Variants in GRID2 observed in about 807,000 individuals in gnomAD.
GRID2 encodes the protein glutamate receptor ionotropic, delta-2.
In GRID2, 33 loss-of-function variants were observed where a neutral mutation model predicts 114.8. That is an observed-to-expected ratio of 0.29 (90% CI 0.22 to 0.38). The LOEUF (loss-of-function observed/expected upper bound fraction) is 0.38, where lower values mean the gene tolerates loss of function less well. Ranked by LOEUF, GRID2 falls within the 10% of genes least tolerant of loss-of-function variation. The probability of loss-of-function intolerance (pLI) is 1.00; values close to 1 mark genes in which losing one functional copy is unlikely to be tolerated. For synonymous variants in GRID2, 505 were observed against 449.9 expected (o/e 1.12, Z -1.55); for missense variants, 1,184 against 1,257.7 (o/e 0.94, Z 0.89).
intron 4 of GRID2, among the ~76,000 whole-genome samples, chr4:93,136,648 TA>T (rs1270195939): frequency 1.3e-5 from 2 of 152,154 alleles, no homozygotes; most frequent in African/African-American, 4.8e-5. Context: ...ATATATCCAT[TA>T]TATATGTAGG....
intron 2 of GRID2, among the ~76,000 whole-genome samples, chr4:92,878,793 C>T (rs1039902963): frequency 7.2e-5 from 11 of 151,988 alleles, no homozygotes; most frequent in South Asian, 2.1e-4. Context: ...GACATCCATA[C>T]AAGGAATTAG....
chr4:93,692,449 T>C (rs117274740), intron 14 of GRID2, among the ~76,000 whole-genome samples: 1 of 152,302 alleles, frequency 6.6e-6, no homozygotes, highest in East Asian at 1.9e-4. Context: ...ACCAAGAATG[T>C]ATCTGCTACA....
At chr4:92,941,324 C>T (rs1751109197) in intron 2 of GRID2, among the ~76,000 whole-genome samples, 1 of 152,092 alleles carries the variant, frequency 6.6e-6, no homozygotes, top group Non-Finnish European at 1.5e-5. Flanking sequence ...GGAATTTATC[C>T]ATTTCTTGTA....
At chr4:92,666,670 T>TTTTTTTTTTTTC (rs368637464) in intron 2 of GRID2, among the ~76,000 whole-genome samples, 1 of 133,026 alleles carries the variant, frequency 7.5e-6, no homozygotes, top group African/African-American at 2.9e-5. Context: ...TTTTTTTTTT[T>TTTTTTTTTTTTC]CAGATCTTTT....
At chr4:93,231,735 G>A (rs949107290) in intron 7 of GRID2, among the ~76,000 whole-genome samples, 60 of 152,120 alleles carry the variant, frequency 3.9e-4, no homozygotes, top group African/African-American at 1.4e-3. Flanking sequence ...AGACTAGTAC[G>A]TTGGATGATC....
intron 2 of GRID2, among the ~76,000 whole-genome samples, chr4:92,925,291 G>A (rs1042447486): frequency 2.6e-5 from 4 of 152,038 alleles, no homozygotes; most frequent in Non-Finnish European, 5.9e-5. Context: ...TCTGTGTCAA[G>A]GTTAAAGAGT....
At chr4:93,329,646 G>A (rs1758222284) in intron 8 of GRID2, among the ~76,000 whole-genome samples, 1 of 152,104 alleles carries the variant, frequency 6.6e-6, no homozygotes, top group African/African-American at 2.4e-5. Context: ...CCCCAGATTT[G>A]TCTGCAACAG....
At chr4:92,751,848 A>G (rs766850246) in intron 2 of GRID2, among the ~76,000 whole-genome samples, 1 of 152,242 alleles carries the variant, frequency 6.6e-6, no homozygotes, top group Non-Finnish European at 1.5e-5. Context: ...TGATGTTTAC[A>G]TCAAGGAGTC....
At chr4:93,792,815 G>C (rs1316055444) in intron 1 of GRID2, among the ~76,000 whole-genome samples, 1 of 152,172 alleles carries the variant, frequency 6.6e-6, no homozygotes, top group Non-Finnish European at 1.5e-5. Context: ...TCTCACCCGG[G>C]TTGTTCTGAT....
chr4:93,751,807 G>T (rs762856047), intron 14 of GRID2, among the ~76,000 whole-genome samples: 3 of 152,114 alleles, frequency 2.0e-5, no homozygotes, highest in Non-Finnish European at 4.4e-5. Context: ...TCTTCTCAAG[G>T]CCTGTAACCC....
At chr4:93,050,253 A>G (rs1726560067) in intron 2 of GRID2, among the ~76,000 whole-genome samples, 1 of 152,128 alleles carries the variant, frequency 6.6e-6, no homozygotes, top group African/African-American at 2.4e-5. Flanking sequence ...ACCATTAAAT[A>G]AAAGTTCCTG....
chr4:92,419,637 G>A (rs148917458), intron 1 of GRID2, among the ~76,000 whole-genome samples: 11 of 152,148 alleles, frequency 7.2e-5, no homozygotes, highest in African/African-American at 2.2e-4. Context: ...GCTTCTTAAA[G>A]TTGAGTAAAA....
intron 2 of GRID2, among the ~76,000 whole-genome samples, chr4:92,695,262 GGC>G (rs1734372445): frequency 6.6e-6 from 1 of 151,956 alleles, no homozygotes; most frequent in African/African-American, 2.4e-5. Context: ...CACCGTGCCT[GGC>G]CAGATATTTT....
At chr4:93,109,703 T>G (rs1465500236) in intron 3 of GRID2, among the ~76,000 whole-genome samples, 3 of 152,138 alleles carry the variant, frequency 2.0e-5, no homozygotes, top group Non-Finnish European at 4.4e-5. Context: ...TCTTTGGATA[T>G]ATAATGAAAA....
chr4:92,740,988 A>G (rs1166558098), intron 2 of GRID2, among the ~76,000 whole-genome samples: 1 of 152,076 alleles, frequency 6.6e-6, no homozygotes, highest in Non-Finnish European at 1.5e-5. Flanking sequence ...TTCTGACCTC[A>G]GGTGATCCAC....
intron 2 of GRID2, among the ~76,000 whole-genome samples, chr4:92,616,672 C>A (rs941432802): frequency 2.0e-5 from 3 of 151,150 alleles, no homozygotes; most frequent in African/African-American, 4.9e-5. Flanking sequence ...AAGAAAAAAA[C>A]CAGTTGTTAG....
intron 13 of GRID2, among the ~76,000 whole-genome samples, chr4:93,579,639 G>A (rs1578306051): frequency 1.3e-5 from 2 of 152,146 alleles, no homozygotes; most frequent in African/African-American, 4.8e-5. Context: ...TGCAATTAAA[G>A]TATGTTAATT....
chr4:92,887,524 T>TA (rs1746456050), intron 2 of GRID2, among the ~76,000 whole-genome samples: 1 of 118,562 alleles, frequency 8.4e-6, no homozygotes, highest in African/African-American at 3.6e-5. Flanking sequence ...TCAAGTGCTT[T>TA]AAAATGTCTT....
chr4:93,542,953 G>A (rs1732801375), intron 13 of GRID2, among the ~76,000 whole-genome samples: 1 of 152,028 alleles, frequency 6.6e-6, no homozygotes, highest in South Asian at 2.1e-4. Context: ...GGTCATGAAA[G>A]CCATCACTGA....
Sources: allele counts gnomAD v4.1 joint callset (sites outside exome capture counted in the v4.1 genomes callset), GRCh38; gene constraint gnomAD v4.1.1; transcripts MANE v1.5; gene names NCBI Gene and HGNC (gene_info 2026-07-23, HGNC 2026-07-21).